TRAPPC6B: variants seen among roughly 807,000 people sequenced by gnomAD.
The protein encoded by TRAPPC6B is TRAPP complex subunit 6B.
TRAPPC6B carries 27 observed loss-of-function variants against 24.7 expected under a neutral mutation model. That is an observed-to-expected ratio of 1.09 (90% CI 0.81 to 1.51). The LOEUF (loss-of-function observed/expected upper bound fraction) is 1.51. TRAPPC6B is among the 40% of genes most tolerant of loss of function. The pLI is 0.00. For missense variants in TRAPPC6B, 212 were observed against 190.8 expected, an observed-to-expected ratio of 1.11 and a Z score of -0.66; for synonymous variants, 80 against 66.6, an observed-to-expected ratio of 1.20 and a Z score of -0.98.
chr14:39,154,230 T>C lies in TRAPPC6B; in HGVS notation c.332A>G (p.Tyr111Cys). ...AAATACCTTAGATGCATGTTCTAAA[T>C]ACTGTTTTCCTGCAGACATCTGAGT... ...LLTQMSAGKQ[Y>C]LEHASKYLAF... The change falls in exon 4 of 6, where the codon TAT becomes TGT. Residue 111 changes from tyrosine to cysteine, a missense_variant. Transcript: ENST00000330149. The C allele has an allele frequency of 6.2e-6, 10 of 1,612,200 alleles. No homozygotes were observed. Among genetic ancestry groups the C allele is most frequent in the Non-Finnish European group, 8.5e-6 (10 of 1,178,572 alleles).
chr14:39,164,041 C>T (rs1216531572), intron 1 of TRAPPC6B, among the ~76,000 whole-genome samples: 1 of 151,668 alleles, frequency 6.6e-6, no homozygotes, highest in East Asian at 1.9e-4. Context: ...CAAAATTCAT[C>T]GTCTCTCTCT....
chr14:39,165,641 T>A (rs544850408), intron 1 of TRAPPC6B, among the ~76,000 whole-genome samples: 50 of 151,556 alleles, frequency 3.3e-4, no homozygotes, highest in African/African-American at 1.0e-3. Flanking sequence ...CAAAAAAAAA[T>A]TTTTTTAATT....
At chr14:39,164,385 G>A (rs1272276274) in intron 1 of TRAPPC6B, among the ~76,000 whole-genome samples, 3 of 152,026 alleles carry the variant, frequency 2.0e-5, no homozygotes, top group East Asian at 1.9e-4. Flanking sequence ...CCAGCTACTC[G>A]GGAGGCTGAG....
chr14:39,148,561 C>G lies in TRAPPC6B; in HGVS notation c.*1789G>C, dbSNP rs1349958164. The G allele has an allele frequency of 2.5e-6, 1 of 397,928 alleles. No individual in the cohort carries two copies. 24.6% of individuals were successfully genotyped at this position (397,928 alleles called of 1,614,324 possible). ...CTTATTTGAACCCAGCTTTTTCACACACACAATTCTCACACCTGTTTTATT... is the reference window on the plus strand; with the variant it reads ...CTTATTTGAACCCAGCTTTTTCACAGACACAATTCTCACACCTGTTTTATT... On this transcript the variant is annotated 3_prime_UTR_variant, in exon 6 of 6. Transcript: ENST00000330149.
intron 1 of TRAPPC6B, among the ~76,000 whole-genome samples, chr14:39,168,644 A>T (rs1351879951): frequency 6.6e-6 from 1 of 152,106 alleles, no homozygotes; most frequent in Non-Finnish European, 1.5e-5. Flanking sequence ...TTTCTGATTA[A>T]TAGTACCACC....
rs758863393 is a variant in TRAPPC6B at position 39,159,481 on chromosome 14, A to C, written c.149+2T>G. The C allele has an allele frequency of 1.3e-6, 2 of 1,579,068 alleles. No individual in the cohort carries two copies. The highest frequency in any genetic ancestry group is 1.7e-6 in the Non-Finnish European group (2 of 1,161,712). ...GAAAATTTTCAAATCCAACCTGCTCACCTTTCTATCAATCCTTGTCCCACT... is the reference window on the plus strand; with the variant it reads ...GAAAATTTTCAAATCCAACCTGCTCCCCTTTCTATCAATCCTTGTCCCACT... On this transcript the variant is annotated splice_donor_variant, in intron 2 of 5. Transcript: ENST00000330149. LOFTEE classifies it high-confidence loss of function.
At chr14:39,168,229 AAG>A (rs1408299953) in intron 1 of TRAPPC6B, among the ~76,000 whole-genome samples, 162 of 143,664 alleles carry the variant, frequency 1.1e-3, no homozygotes, top group African/African-American at 3.7e-3. Context: ...AAAAAAAAAA[AAG>A]AGAGAGAGAG....
At chr14:39,169,878 G>A in intron 1 of TRAPPC6B, 137 bp downstream of exon 1, 1 of 732,808 alleles carries the variant, frequency 1.4e-6, no homozygotes, top group Non-Finnish European at 2.4e-6. Context: ...TAGGGTTTAG[G>A]ACACCTGGAG....
intron 3 of TRAPPC6B, chr14:39,157,630 G>A: frequency 2.8e-6 from 1 of 356,966 alleles, no homozygotes; most frequent in South Asian, 2.3e-5. Context: ...GGCAAGACTG[G>A]GATGTCTAAT....
rs762353844 is a variant in TRAPPC6B, at chr14:39,151,855, A to G, written c.352-16T>C. 2 of 1,526,664 alleles carry G rather than the reference A, an allele frequency of 1.3e-6. No homozygotes were observed. Among genetic ancestry groups the G allele is most frequent in the East Asian group, 2.3e-5 (1 of 44,088 alleles). 94.6% of individuals were successfully genotyped at this position (1,526,664 alleles called of 1,614,324 possible). On this transcript the variant is annotated splice_polypyrimidine_tract_variant and intron_variant, in intron 4 of 5. Coordinates refer to ENST00000330149, the MANE Select transcript of TRAPPC6B (RefSeq NM_001079537.2). ...ATGCTAAATACTAAAAGGAAAAAAA[A>G]TCATTAAAAATAGTAAGGATTTACT...
chr14:39,167,367 T>C (rs1243968963), intron 1 of TRAPPC6B, among the ~76,000 whole-genome samples: 1 of 152,104 alleles, frequency 6.6e-6, no homozygotes, highest in Non-Finnish European at 1.5e-5. Context: ...ATACTGAAAA[T>C]TTATAAAACT....
At chr14:39,157,955 TA>T (rs2053004949) in intron 3 of TRAPPC6B, 1 of 193,982 alleles carries the variant, frequency 5.2e-6, no homozygotes, top group Non-Finnish European at 1.0e-5. Context: ...ATAAAGGTGA[TA>T]TATTTGTGGT....
At chr14:39,169,929 G>T in intron 1 of TRAPPC6B, 86 bp downstream of exon 1, 1 of 1,387,670 alleles carries the variant, frequency 7.2e-7, no homozygotes, top group Non-Finnish European at 1.0e-6. Flanking sequence ...GTCGGGTGGC[G>T]ATGGGACAGG....
At chr14:39,157,511 A>C (rs955623017) in intron 3 of TRAPPC6B, 2 of 394,354 alleles carry the variant, frequency 5.1e-6, no homozygotes, top group South Asian at 3.8e-5. Context: ...GAGAACAAGA[A>C]GGCTCAGCTG....
intron 4 of TRAPPC6B, among the ~76,000 whole-genome samples, chr14:39,153,683 T>TTA (rs2052941682): frequency 6.6e-6 from 1 of 151,168 alleles, no homozygotes; most frequent in Admixed American, 6.6e-5. Flanking sequence ...TGTCATTTAG[T>TTA]TATAGTGTTT....
chr14:39,152,735 A>T (rs144299871), intron 4 of TRAPPC6B, among the ~76,000 whole-genome samples: 1 of 152,332 alleles, frequency 6.6e-6, no homozygotes, highest in Non-Finnish European at 1.5e-5. Context: ...TTTATGGGGA[A>T]AGGTGTTCCA....
intron 1 of TRAPPC6B, among the ~76,000 whole-genome samples, chr14:39,161,150 A>G (rs2053054177): frequency 6.6e-6 from 1 of 152,236 alleles, no homozygotes; most frequent in Non-Finnish European, 1.5e-5. Context: ...TGTTTGTTTA[A>G]GGAAACTGCA....
In TRAPPC6B at chr14:39,147,825, T is replaced by C. The variant is rs2052870981; in HGVS notation, c.*2525A>G. The C allele has an allele frequency of 6.6e-6, 1 of 152,200 alleles. No homozygotes were observed. The highest frequency in any genetic ancestry group is 2.4e-5 in the African/African-American group (1 of 41,452). The allele number at this position is 152,200 out of a possible 1,614,324, so 9.4% of individuals were successfully genotyped here. A position where few individuals can be genotyped will look rare whatever the true frequency, so the allele number is the denominator to read the frequency against. The stretch of plus-strand genomic sequence containing the variant: ...TCACGAAAGTATTATCACATTTTCT[T>C]TAGTACTTTATTGTTTTACAAGTGA... On this transcript the variant is annotated 3_prime_UTR_variant, in exon 6 of 6. Coordinates refer to ENST00000330149, the MANE Select transcript of TRAPPC6B (RefSeq NM_001079537.2).
intron 5 of TRAPPC6B, 98 bp from the exon 6 acceptor site, chr14:39,150,479 A>T (rs2052898758): frequency 2.3e-6 from 2 of 853,604 alleles, no homozygotes; most frequent in African/African-American, 3.5e-5. Flanking sequence ...GTTTCAGTCA[A>T]GAAATCTGCT....
Sources: gnomAD v4.1 joint callset for allele counts (sites outside exome capture counted in the v4.1 genomes callset) on GRCh38, gnomAD v4.1.1 for gene constraint, MANE v1.5 for transcripts, NCBI Gene and HGNC (gene_info 2026-07-23, HGNC 2026-07-21) for gene names.